PC: variants seen among roughly 807,000 people sequenced by gnomAD.
PC encodes pyruvate carboxylase, also known as pyruvate carboxylase, mitochondrial.
A neutral mutation model predicts 107.8 loss-of-function variants in PC; 46 were observed. That is an observed-to-expected ratio of 0.43 (90% CI 0.34 to 0.55). The LOEUF (loss-of-function observed/expected upper bound fraction) is 0.55. Among genes scored for constraint, PC ranks in the 20% least tolerant of loss-of-function variants. PC has a pLI of 0.04. For missense variants in PC, 1,241 were observed against 1,643.1 expected (o/e 0.76, Z 4.23); for synonymous variants, 662 against 684.7 (o/e 0.97, Z 0.52).
intron 3 of PC, among the ~76,000 whole-genome samples, chr11:66,890,956 AAATGAAT>A (rs1305313519): frequency 6.6e-6 from 1 of 152,174 alleles, no homozygotes; most frequent in Admixed American, 6.5e-5. Context: ...AAGTGTTAAA[AAATGAAT>A]AACTTTGACC....
chr11:66,912,840 AG>A (rs1471989092), intron 3 of PC, among the ~76,000 whole-genome samples: 2 of 152,094 alleles, frequency 1.3e-5, no homozygotes, highest in Non-Finnish European at 2.9e-5. Context: ...TGGGGTGGGG[AG>A]GGGTCTCCCA....
At chr11:66,952,521 A>C (rs1949463041) in intron 2 of PC, 53 bp from the exon 3 acceptor site, 1 of 152,282 alleles carries the variant, frequency 6.6e-6, no homozygotes, top group South Asian at 2.1e-4. Flanking sequence ...AACTTCCCAG[A>C]GAAAACAGGA....
chr11:66,852,322 C>G lies in PC; in HGVS notation c.1825+117G>C. Reference sequence around the variant, plus strand: ...GGCGCTGTGCCTTCTTCGGTCCTTCCTCTTTGGTGTTCTTCGTGTCAGCGT... The same window carrying G: ...GGCGCTGTGCCTTCTTCGGTCCTTCGTCTTTGGTGTTCTTCGTGTCAGCGT... On this transcript the variant is annotated intron_variant, in intron 15 of 22. Transcript: ENST00000393960. The surrounding 1 kb of genome is among the most constrained non-coding windows in gnomAD (Gnocchi z 4.7). The G allele has an allele frequency of 2.2e-6, 2 of 922,654 alleles. No homozygotes were observed. The highest frequency in any genetic ancestry group is 1.9e-5 in the Admixed American group (1 of 53,858). 57.2% of individuals were successfully genotyped at this position (922,654 alleles called of 1,614,324 possible).
At chr11:66,893,844 ACCT>A (rs1196571770) in intron 3 of PC, among the ~76,000 whole-genome samples, 1 of 135,924 alleles carries the variant, frequency 7.4e-6, no homozygotes, top group Non-Finnish European at 1.6e-5. Context: ...CCAACCAGAC[ACCT>A]CCTCCTTCCT....
At chr11:66,877,367 T>C (rs555297904) in intron 3 of PC, among the ~76,000 whole-genome samples, 9 of 151,906 alleles carry the variant, frequency 5.9e-5, no homozygotes, top group African/African-American at 1.9e-4. Flanking sequence ...GCCTGGGTGA[T>C]AGAGCGAGAC....
rs755583968 is a variant in PC, at chr11:66,848,887, T to A, written c.*12A>T. On this transcript the variant is annotated 3_prime_UTR_variant, in exon 23 of 23. Coordinates refer to ENST00000393960, the MANE Select transcript of PC (RefSeq NM_001040716.2). Reference sequence around the variant, plus strand: ...GGCTTGGGGATGGCCAGGCTGCCGGTCTGGGGCAAGATCACTCGATCTCCA... The same window carrying A: ...GGCTTGGGGATGGCCAGGCTGCCGGACTGGGGCAAGATCACTCGATCTCCA... 2 of 1,613,412 alleles carry A rather than the reference T, an allele frequency of 1.2e-6. No individual in the cohort carries two copies. Among genetic ancestry groups the A allele is most frequent in the Non-Finnish European group, 1.7e-6 (2 of 1,180,010 alleles).
At chr11:66,913,768 G>A (rs1025401056) in intron 3 of PC, among the ~76,000 whole-genome samples, 5 of 152,168 alleles carry the variant, frequency 3.3e-5, no homozygotes, top group African/African-American at 7.2e-5. Context: ...GCAACGTAGA[G>A]GGATGGAGAG....
At chr11:66,851,970 G>C in intron 15 of PC, 24 bp from the exon 16 acceptor site, 1 of 1,612,636 alleles carries the variant, frequency 6.2e-7, no homozygotes, top group Non-Finnish European at 8.5e-7. Flanking sequence ...GAGAGGCCCA[G>C]ATCAGCTCTG....
intron 3 of PC, among the ~76,000 whole-genome samples, chr11:66,897,337 G>A (rs995863532): frequency 6.6e-6 from 1 of 152,168 alleles, no homozygotes; most frequent in Non-Finnish European, 1.5e-5. Flanking sequence ...TTGGGAGGCC[G>A]AAGCAGGCAG....
intron 3 of PC, among the ~76,000 whole-genome samples, chr11:66,875,336 T>C (rs368725920): frequency 6.6e-6 from 1 of 152,046 alleles, no homozygotes; most frequent in South Asian, 2.1e-4. Flanking sequence ...GAAGAAATCC[T>C]GTATGGGTGG....
Position 66,866,406 on chromosome 11 carries a change from G to A in PC, c.1023-57C>T, listed in dbSNP as rs45589939. 7.8e-4 allele frequency: 1,021 copies of A among 1,314,918 alleles called. 9 individuals carry two copies. In the African/African-American group the frequency reaches 0.013, roughly 17 times the overall value. The allele number at this position is 1,314,918 out of a possible 1,614,324, so 81.5% of individuals were successfully genotyped here. ...CGGGAGAAAGGGGGAAACATGAGGC[G>A]GGGGATAGACGAGGGGCACCGCAGC... is the stretch of plus-strand genomic sequence containing the variant. On this transcript the variant is annotated intron_variant, in intron 10 of 22. Coordinates refer to ENST00000393960, the MANE Select transcript of PC (RefSeq NM_001040716.2). The surrounding 1 kb of genome is among the most constrained non-coding windows in gnomAD (Gnocchi z 5.4).
Position 66,852,036 on chromosome 11 carries a change from G to T in PC, c.1826-90C>A. On this transcript the variant is annotated intron_variant, in intron 15 of 22. Transcript: ENST00000393960. The surrounding 1 kb of genome is among the most constrained non-coding windows in gnomAD (Gnocchi z 4.7). Reference sequence around the variant, plus strand: ...GCTAGCTCTGCAGCACAAGCCTCTGGCCCCAATACCAGGTCCTGCTCATCT... The same window carrying T: ...GCTAGCTCTGCAGCACAAGCCTCTGTCCCCAATACCAGGTCCTGCTCATCT... The T allele has an allele frequency of 7.5e-7, 1 of 1,340,812 alleles. No individual in the cohort carries two copies. Among genetic ancestry groups the T allele is most frequent in the Non-Finnish European group, 1.1e-6 (1 of 951,620 alleles). The allele number at this position is 1,340,812 out of a possible 1,614,324, so 83.1% of individuals were successfully genotyped here. A position where few individuals can be genotyped will look rare whatever the true frequency, so the allele number is the denominator to read the frequency against.
rs549572862 is a variant in PC, at chr11:66,881,048, C to T, written c.1-8889G>A. Among the ~76,000 whole-genome samples, 21 of 152,342 alleles carry T rather than the reference C, an allele frequency of 1.4e-4. No individual in the cohort carries two copies. In the South Asian group the frequency reaches 4.1e-3, roughly 30 times the overall value. ...GCAACCAGCTCAGGTTACAGTTACACGCCTCGGGGGATGCCACTGTCTTGC... is the reference window on the plus strand; with the variant it reads ...GCAACCAGCTCAGGTTACAGTTACATGCCTCGGGGGATGCCACTGTCTTGC... On this transcript the variant is annotated intron_variant, in intron 3 of 22. Coordinates refer to ENST00000393960, the MANE Select transcript of PC (RefSeq NM_001040716.2).
intron 3 of PC, among the ~76,000 whole-genome samples, chr11:66,938,860 C>T (rs1199667011): frequency 6.6e-6 from 1 of 152,134 alleles, no homozygotes; most frequent in Admixed American, 6.6e-5. Context: ...TTCTGATGTA[C>T]GTTTTGGTGA....
intron 3 of PC, among the ~76,000 whole-genome samples, chr11:66,936,467 T>C (rs1019906985): frequency 6.6e-6 from 1 of 152,180 alleles, no homozygotes. Context: ...AATATTGTTA[T>C]TGGCAATTGC....
At chr11:66,861,495 C>G (rs1269288984) in intron 12 of PC, among the ~76,000 whole-genome samples, 3 of 152,252 alleles carry the variant, frequency 2.0e-5, no homozygotes, top group Admixed American at 1.3e-4. Context: ...ATGGACCTGG[C>G]TCACACGCGT....
chr11:66,860,297 AG>A (rs911735442), intron 12 of PC: 1 of 1,466,174 alleles, frequency 6.8e-7, no homozygotes, highest in African/African-American at 1.4e-5. Flanking sequence ...TTTTATTCTC[AG>A]TACCTCAGGC....
In PC at chr11:66,871,142, G is replaced by T; in HGVS notation, c.543C>A (p.His181Gln). ...DAPITSLHEA[H>Q]EFSNTYGFPI... ...GGAAGCCGTAGGTGTTGGAGAACTC[G>T]TGGGCCTCATGCAGGGACGTGATGG... Residue 181 changes from histidine (H) to glutamine (Q), a missense_variant, in exon 7 of 23, where the codon CAC becomes CAA. By Grantham distance (24) the His-to-Gln change is conservative. This residue lies in a region of PC where 1,143 missense variants were observed against 1,551.9 expected (regional missense o/e 0.74). Transcript: ENST00000393960. The surrounding 1 kb of genome is among the most constrained non-coding windows in gnomAD (Gnocchi z 7.4). 6.2e-7 allele frequency: 1 copy of T among 1,613,892 alleles called. No homozygotes were observed. The highest frequency in any genetic ancestry group is 8.5e-7 in the Non-Finnish European group (1 of 1,179,878).
intron 3 of PC, among the ~76,000 whole-genome samples, chr11:66,876,037 G>C (rs1297051956): frequency 6.6e-6 from 1 of 152,216 alleles, no homozygotes; most frequent in African/African-American, 2.4e-5. Context: ...GGTCGTGAGA[G>C]ACAAAGACGC....
Sources: gnomAD v4.1 joint callset for allele counts (sites outside exome capture counted in the v4.1 genomes callset) on GRCh38, gnomAD v4.1.1 for gene constraint, gnomAD v4.1.1 regional missense constraint, Gnocchi (gnomAD v3.1) non-coding constraint, MANE v1.5 for transcripts, NCBI Gene and HGNC (gene_info 2026-07-23, HGNC 2026-07-21) for gene names.